The following KCNQ3 variants were observed in gnomAD, a reference collection of about 807,000 sequenced individuals.
KCNQ3 encodes the protein potassium voltage-gated channel subfamily KQT member 3.
A neutral mutation model predicts 92.5 loss-of-function variants in KCNQ3; 30 were observed. The ratio of observed to expected loss-of-function variants is 0.32; its 90% CI spans 0.24 to 0.44. The LOEUF (loss-of-function observed/expected upper bound fraction) is 0.44. Among genes scored for constraint, KCNQ3 ranks in the 20% least tolerant of loss-of-function variants. KCNQ3 has a pLI of 1.00. For missense variants in KCNQ3, 913 were observed against 1,140.3 expected (o/e 0.80, Z 2.87); for synonymous variants, 450 against 468.8 (o/e 0.96, Z 0.52).
rs138948059 is a variant in KCNQ3, at chr8:132,275,553, A to G, written c.387-89372T>C. On this transcript the variant is annotated intron_variant, in intron 1 of 14. Transcript: ENST00000388996. ...GGCCCAAAACGCACCTCATGGGATC[A>G]TGGGATTTTTATGAGCACCAGTGAA... Among the ~76,000 whole-genome samples the G allele has an allele frequency of 1.1e-4, 16 of 151,104 alleles. No individual in the cohort carries two copies. The East Asian group carries it at 3.2e-3, about 30-fold the overall frequency.
chr8:132,445,300 G>C (rs1454624932), intron 1 of KCNQ3, among the ~76,000 whole-genome samples: 1 of 152,230 alleles, frequency 6.6e-6, no homozygotes, highest in Admixed American at 6.5e-5. Flanking sequence ...GAGAAGGAGA[G>C]GCAGCTGTGA....
chr8:132,289,760 T>G (rs1297491695), intron 1 of KCNQ3, among the ~76,000 whole-genome samples: 2 of 152,200 alleles, frequency 1.3e-5, no homozygotes, highest in Non-Finnish European at 2.9e-5. Context: ...CTCAGTCAGT[T>G]TGCTGTAAAG....
chr8:132,459,870 CTCT>C (rs1822023702), intron 1 of KCNQ3, among the ~76,000 whole-genome samples: 1 of 151,392 alleles, frequency 6.6e-6, no homozygotes, highest in South Asian at 2.1e-4. Flanking sequence ...GGAGATTTCT[CTCT>C]TCTTCTCATA....
Position 132,292,521 on chromosome 8 carries a change from G to A in KCNQ3, c.387-106340C>T, listed in dbSNP as rs75568845. 9.3e-3 allele frequency among the ~76,000 whole-genome samples: 1,412 copies of A among 152,216 alleles called. 8 individuals carry two copies. Among genetic ancestry groups the A allele is most frequent in the Non-Finnish European group, 0.014 (919 of 68,012 alleles). ...GGGTGGATATATGGAAGGAAGTAGC[G>A]TATAAGTGGAGATATGGTTGAATAA... On this transcript the variant is annotated intron_variant, in intron 1 of 14. Transcript: ENST00000388996.
At chr8:132,413,986 C>T (rs548339659) in intron 1 of KCNQ3, among the ~76,000 whole-genome samples, 16 of 152,294 alleles carry the variant, frequency 1.1e-4, no homozygotes, top group African/African-American at 3.1e-4. Flanking sequence ...CCTGAGGAGA[C>T]GCCCGCCCCA....
At chr8:132,254,141 G>T (rs921048977) in intron 1 of KCNQ3, among the ~76,000 whole-genome samples, 4 of 152,164 alleles carry the variant, frequency 2.6e-5, no homozygotes, top group Non-Finnish European at 5.9e-5. Flanking sequence ...GACTGATTTC[G>T]AATCTGCATT....
chr8:132,177,028 C>G (rs1205933126), intron 4 of KCNQ3, among the ~76,000 whole-genome samples: 3 of 152,196 alleles, frequency 2.0e-5, no homozygotes, highest in Non-Finnish European at 4.4e-5. Flanking sequence ...CGTACATGGA[C>G]TAGTCCTTAC....
At chr8:132,209,530 CACACACACACACAA>C (rs1435925596) in intron 1 of KCNQ3, among the ~76,000 whole-genome samples, 5 of 109,654 alleles carry the variant, frequency 4.6e-5, no homozygotes, top group African/African-American at 1.6e-4. Context: ...TAATTCACAC[CACACACACACACAA>C]ACACACACAC....
intron 1 of KCNQ3, among the ~76,000 whole-genome samples, chr8:132,354,419 G>A (rs1248790184): frequency 1.3e-5 from 2 of 152,100 alleles, no homozygotes; most frequent in African/African-American, 4.8e-5. Context: ...ATTAGAAATT[G>A]GCTTGGTAAG....
rs565388833 is a variant in KCNQ3 at position 132,229,929 on chromosome 8, A to G, written c.387-43748T>C. ...GCTGGCAAATATATCAACTCACATA[A>G]TTGGCATTTTTGCAGCACACTTCTG... On this transcript the variant is annotated intron_variant, in intron 1 of 14. Coordinates refer to ENST00000388996, the MANE Select transcript of KCNQ3 (RefSeq NM_004519.4). 2.0e-5 allele frequency among the ~76,000 whole-genome samples: 3 copies of G among 152,256 alleles called. No individual in the cohort carries two copies. The East Asian group carries it at 5.8e-4, about 29-fold the overall frequency.
chr8:132,359,816 G>C (rs564574478), intron 1 of KCNQ3, among the ~76,000 whole-genome samples: 15 of 152,180 alleles, frequency 9.9e-5, no homozygotes, highest in Non-Finnish European at 2.2e-4. Context: ...AGGTGAATAA[G>C]ATCCCTTTCC....
chr8:132,430,581 G>C (rs1316709793), intron 1 of KCNQ3, among the ~76,000 whole-genome samples: 1 of 152,192 alleles, frequency 6.6e-6, no homozygotes, highest in African/African-American at 2.4e-5. Context: ...CCTAGACCAT[G>C]AGTCTGTGCA....
At chr8:132,259,481 A>G (rs191259957) in intron 1 of KCNQ3, among the ~76,000 whole-genome samples, 12 of 152,256 alleles carry the variant, frequency 7.9e-5, no homozygotes, top group Non-Finnish European at 1.8e-4. Flanking sequence ...ACAAATTAGA[A>G]ATAGAAGGAA....
intron 8 of KCNQ3, among the ~76,000 whole-genome samples, chr8:132,165,993 C>A (rs564171314): frequency 1.3e-5 from 2 of 152,330 alleles, no homozygotes; most frequent in African/African-American, 4.8e-5. Context: ...TTTCTAAGCA[C>A]TCCAATAATC....
intron 1 of KCNQ3, among the ~76,000 whole-genome samples, chr8:132,353,014 C>G (rs1187951388): frequency 6.6e-6 from 1 of 152,114 alleles, no homozygotes; most frequent in Non-Finnish European, 1.5e-5. Flanking sequence ...ATCACGAGGT[C>G]AGGAGTTTGA....
At position 132,170,359 on chromosome 8, in the gene KCNQ3, A is replaced by C; in HGVS notation, c.1210T>G (p.Ser404Ala). The C allele has an allele frequency of 1.9e-6, 3 of 1,613,884 alleles. No individual in the cohort carries two copies. Among genetic ancestry groups the C allele is most frequent in the Non-Finnish European group, 2.5e-6 (3 of 1,179,904 alleles). ...CTGAAGAAAGGAAAAGAGACGACTG[A>C]TTCATAAAATCTCCATGTCGCCACC... ...DLVATWRFYE[S>A]VVSFPFFRKE... Residue 404 changes from serine to alanine, a missense_variant, in exon 8 of 15, where the codon TCA becomes GCA. Ser to Ala is a moderately conservative substitution (Grantham distance 99). Around this residue, in one of 6 missense-constraint regions of KCNQ3, gnomAD observed 182 missense variants for 234.5 expected, o/e 0.78. Transcript: ENST00000388996.
At chr8:132,163,076 G>C (rs1299386827) in intron 9 of KCNQ3, among the ~76,000 whole-genome samples, 1 of 152,086 alleles carries the variant, frequency 6.6e-6, no homozygotes, top group Non-Finnish European at 1.5e-5. Flanking sequence ...AAAATAACAT[G>C]GTCTTAATAT....
At chr8:132,400,849 G>A (rs1366637930) in intron 1 of KCNQ3, among the ~76,000 whole-genome samples, 2 of 152,166 alleles carry the variant, frequency 1.3e-5, no homozygotes, top group African/African-American at 2.4e-5. Flanking sequence ...TCCTGCTTAC[G>A]CTGTCTCACT....
intron 1 of KCNQ3, among the ~76,000 whole-genome samples, chr8:132,347,926 A>G (rs1468615249): frequency 6.7e-6 from 1 of 149,688 alleles, no homozygotes; most frequent in Admixed American, 6.7e-5. Flanking sequence ...GCAGTGAGCC[A>G]AGAACACGCC....
Sources: allele counts gnomAD v4.1 joint callset (sites outside exome capture counted in the v4.1 genomes callset), GRCh38; gene constraint gnomAD v4.1.1; regional missense constraint gnomAD v4.1.1; transcripts MANE v1.5; gene names NCBI Gene and HGNC (gene_info 2026-07-23, HGNC 2026-07-21).